Variants in ANAPC4 observed in about 807,000 individuals in gnomAD.
The protein encoded by ANAPC4 is anaphase-promoting complex subunit 4.
A neutral mutation model predicts 119.8 loss-of-function variants in ANAPC4; 63 were observed. The observed-to-expected ratio is 0.53, with a 90% CI of 0.43 to 0.65. The LOEUF is 0.65. Among genes scored for constraint, ANAPC4 ranks in the 30% least tolerant of loss-of-function variants. The probability of loss-of-function intolerance (pLI) is 0.00; values close to 1 mark genes in which losing one functional copy is unlikely to be tolerated. For synonymous variants in ANAPC4, 283 were observed against 318.6 expected (o/e 0.89, Z 1.19); for missense variants, 716 against 945.1 (o/e 0.76, Z 3.18).
chr4:25,389,118 G>C (rs370234825), intron 7 of ANAPC4, among the ~76,000 whole-genome samples: 1 of 151,176 alleles, frequency 6.6e-6, no homozygotes, highest in Non-Finnish European at 1.5e-5. Context: ...AGCCTCCTCC[G>C]AGTAGCTGGG....
rs1316904290 is a variant in ANAPC4 at position 25,396,900 on chromosome 4, G to A, written c.1214+1G>A. 3 of 1,611,780 alleles carry A rather than the reference G, an allele frequency of 1.9e-6. No individual in the cohort carries two copies. The highest frequency in any genetic ancestry group is 2.5e-6 in the Non-Finnish European group (3 of 1,179,060). Reference sequence around the variant, plus strand: ...TACTCAAGGCAAATGAACTTCTTCAGTAAGTATTGGGAGTACCTGGAATCA... The same window carrying A: ...TACTCAAGGCAAATGAACTTCTTCAATAAGTATTGGGAGTACCTGGAATCA... On this transcript the variant is annotated splice_donor_variant, in intron 16 of 28. Coordinates refer to ENST00000315368, the MANE Select transcript of ANAPC4 (RefSeq NM_013367.3). LOFTEE classifies it high-confidence loss of function.
At position 25,416,565 on chromosome 4, in the gene ANAPC4, C is replaced by T; in HGVS notation, c.2042C>T (p.Ala681Val). 1 of 1,572,726 alleles carries T rather than the reference C, an allele frequency of 6.4e-7. No individual in the cohort carries two copies. Among genetic ancestry groups the T allele is most frequent in the Non-Finnish European group, 8.7e-7 (1 of 1,153,190 alleles). Residue 681 changes from alanine to valine, a missense_variant, in exon 27 of 29, where the codon GCA becomes GTA. Physicochemically the swap from Ala to Val is moderately conservative, Grantham distance 64. Coordinates refer to ENST00000315368, the MANE Select transcript of ANAPC4 (RefSeq NM_013367.3). ...TTAGTATATAACAGTGAAGATTCTG[C>T]AGAATATCAGTTCACTGGGACTTAT... ...LSLVYNSEDS[A>V]EYQFTGTYST...
At chr4:25,391,754 A>G (rs534880347) in intron 9 of ANAPC4, among the ~76,000 whole-genome samples, 18 of 152,352 alleles carry the variant, frequency 1.2e-4, no homozygotes, top group African/African-American at 4.3e-4. Flanking sequence ...GCAAGATGCA[A>G]TGTGTGTGAT....
intron 14 of ANAPC4, among the ~76,000 whole-genome samples, chr4:25,395,720 G>A (rs1722610800): frequency 6.6e-6 from 1 of 152,140 alleles, no homozygotes; most frequent in South Asian, 2.1e-4. Context: ...AAAGTGCTGG[G>A]ATTACAGGCA....
At position 25,418,447 on chromosome 4, in the gene ANAPC4, C is replaced by T. The variant is rs1306012364; in HGVS notation, c.*65C>T. On this transcript the variant is annotated 3_prime_UTR_variant, in exon 29 of 29. Coordinates refer to ENST00000315368, the MANE Select transcript of ANAPC4 (RefSeq NM_013367.3). ...GGACATAGGAGATGGACTAAGATGT[C>T]TTGGACCACCTTTGTGTAACAAAGA... 1.5e-6 allele frequency: 2 copies of T among 1,329,540 alleles called. No individual in the cohort carries two copies. Among genetic ancestry groups the T allele is most frequent in the South Asian group, 1.3e-5 (1 of 78,260 alleles). 82.4% of individuals were successfully genotyped at this position (1,329,540 alleles called of 1,614,324 possible).
chr4:25,382,551 T>C (rs1721798575), intron 3 of ANAPC4, among the ~76,000 whole-genome samples: 1 of 152,228 alleles, frequency 6.6e-6, no homozygotes, highest in African/African-American at 2.4e-5. Flanking sequence ...TATTCATTTT[T>C]TAAAAGTCTC....
At chr4:25,410,993 G>C (rs1273129433) in intron 21 of ANAPC4, among the ~76,000 whole-genome samples, 1 of 99,364 alleles carries the variant, frequency 1.0e-5, no homozygotes, top group Non-Finnish European at 2.0e-5. Context: ...TTTGGTTGCT[G>C]CTTCTGTGAA....
chr4:25,403,760 G>C (rs912513285), intron 17 of ANAPC4, among the ~76,000 whole-genome samples: 3 of 152,200 alleles, frequency 2.0e-5, no homozygotes, highest in African/African-American at 7.2e-5. Flanking sequence ...TGGCCACACA[G>C]AAGTAGAACA....
At chr4:25,410,880 T>G (rs1723520373) in intron 21 of ANAPC4, among the ~76,000 whole-genome samples, 1 of 152,218 alleles carries the variant, frequency 6.6e-6, no homozygotes. Flanking sequence ...TATCTCATTA[T>G]GTATATGCAC....
intron 16 of ANAPC4, among the ~76,000 whole-genome samples, chr4:25,400,611 T>C: frequency 6.6e-6 from 1 of 152,152 alleles, no homozygotes; most frequent in East Asian, 1.9e-4. Context: ...CCAGCATGGC[T>C]GCAGGTCTGC....
At chr4:25,415,128 GACTT>G (rs1723789340) in intron 25 of ANAPC4, 2 of 211,056 alleles carry the variant, frequency 9.5e-6, no homozygotes, top group Non-Finnish European at 1.9e-5. Context: ...GCCTAACAGA[GACTT>G]ACTTTGAAAT....
chr4:25,390,405 G>C (rs1186099177), intron 8 of ANAPC4, among the ~76,000 whole-genome samples, 185 bp downstream of exon 8: 1 of 152,080 alleles, frequency 6.6e-6, no homozygotes, highest in African/African-American at 2.4e-5. Flanking sequence ...AAGATTGGGA[G>C]CTATTTGTGG....
intron 20 of ANAPC4, among the ~76,000 whole-genome samples, chr4:25,409,031 A>C (rs1187358015): frequency 2.0e-5 from 3 of 152,150 alleles, no homozygotes; most frequent in Admixed American, 6.5e-5. Context: ...TACTACCTTG[A>C]CTCTTGGCTG....
In ANAPC4 at chr4:25,396,730, T is replaced by C. The variant is rs1238175143; in HGVS notation, c.1128T>C (p.Tyr376=). 1 of 1,613,792 alleles carries C rather than the reference T, an allele frequency of 6.2e-7. No homozygotes were observed. Among genetic ancestry groups the C allele is most frequent in the African/African-American group, 1.3e-5 (1 of 75,032 alleles). ...LKGMASWKQK[Y]EPLGLDAAGI... ...GAATGGCTTCATGGAAGCAAAAATA[T>C]GAACCTCTTGGACTAGATGCTGCAG... Residue 376 remains tyrosine, a synonymous_variant, in exon 15 of 29, where the codon TAT becomes TAC. Transcript: ENST00000315368.
chr4:25,409,091 A>G (rs1193908033), intron 20 of ANAPC4, among the ~76,000 whole-genome samples: 2 of 152,128 alleles, frequency 1.3e-5, no homozygotes, highest in Non-Finnish European at 2.9e-5. Flanking sequence ...GCATAGTGTA[A>G]AGGGCAGGTG....
At chr4:25,410,733 C>T (rs139375269) in intron 21 of ANAPC4, among the ~76,000 whole-genome samples, 1 of 152,306 alleles carries the variant, frequency 6.6e-6, no homozygotes, top group African/African-American at 2.4e-5. Context: ...AAATTCCATA[C>T]CTGACCTCAT....
At chr4:25,399,087 C>T in intron 16 of ANAPC4, among the ~76,000 whole-genome samples, 1 of 150,826 alleles carries the variant, frequency 6.6e-6, no homozygotes, top group Non-Finnish European at 1.5e-5. Flanking sequence ...AAATATTATA[C>T]TGTATTTATC....
chr4:25,406,160 G>GA (rs1434746598), intron 18 of ANAPC4, among the ~76,000 whole-genome samples: 2 of 152,126 alleles, frequency 1.3e-5, no homozygotes, highest in Non-Finnish European at 2.9e-5. Context: ...TTTTGAGCCT[G>GA]AAAAAATGGA....
At chr4:25,383,839 A>G (rs1176830082) in intron 4 of ANAPC4, among the ~76,000 whole-genome samples, 1 of 152,208 alleles carries the variant, frequency 6.6e-6, no homozygotes, top group Non-Finnish European at 1.5e-5. Flanking sequence ...CTGAAGGTGG[A>G]GGATTTTGCC....
Sources: gnomAD v4.1 joint callset for allele counts (sites outside exome capture counted in the v4.1 genomes callset) on GRCh38, gnomAD v4.1.1 for gene constraint, MANE v1.5 for transcripts, NCBI Gene and HGNC (gene_info 2026-07-23, HGNC 2026-07-21) for gene names.